BEND4: variants seen among roughly 807,000 people sequenced by gnomAD.
BEND4 encodes BEN domain-containing protein 4.
In BEND4, 27 loss-of-function variants were observed where a neutral mutation model predicts 54.7. That is an observed-to-expected ratio of 0.49 (90% CI 0.36 to 0.68). BEND4 has a LOEUF of 0.68. Among genes scored for constraint, BEND4 ranks in the 30% least tolerant of loss-of-function variants. BEND4 has a pLI of 0.00. For missense variants in BEND4, 702 were observed against 697.2 expected, an observed-to-expected ratio of 1.01 and a Z score of -0.08; for synonymous variants, 327 against 299.5, an observed-to-expected ratio of 1.09 and a Z score of -0.95.
chr4:42,125,197 C>G (rs1034588329), intron 4 of BEND4, among the ~76,000 whole-genome samples: 3 of 152,130 alleles, frequency 2.0e-5, no homozygotes, highest in Non-Finnish European at 4.4e-5. Context: ...CTGGAAAATG[C>G]CTATCTGCAC....
chr4:42,144,038 CAAAAGAT>C, intron 2 of BEND4, 44 bp from the exon 3 acceptor site: 4 of 1,413,274 alleles, frequency 2.8e-6, no homozygotes, highest in Non-Finnish European at 3.9e-6. Flanking sequence ...CAGCCAACGG[CAAAAGAT>C]AAATAAAGTC....
chr4:42,137,321 G>C (rs1577760681), intron 3 of BEND4, among the ~76,000 whole-genome samples: 1 of 152,120 alleles, frequency 6.6e-6, no homozygotes, highest in South Asian at 2.1e-4. Flanking sequence ...ACATGCAAAA[G>C]AATGAAATTA....
rs760937059 is a variant in BEND4, at chr4:42,120,204, G to A, written c.1237C>T (p.Arg413Trp). 8 of 1,613,754 alleles carry A rather than the reference G, an allele frequency of 5.0e-6. No individual in the cohort carries two copies. The highest frequency in any genetic ancestry group is 1.3e-5 in the African/African-American group (1 of 74,890). ...AATCTGATGAGGTATCGAAGGAGCC[G>A]TCTCCCATCTTTCTTTGAAGAATTT... is the stretch of plus-strand genomic sequence containing the variant. ...AVNSSKKDGRRLLRYLIRFVF... is the reference protein window; with the variant it reads ...AVNSSKKDGRWLLRYLIRFVF... The change falls in exon 5 of 6, where the codon CGG (arginine) becomes TGG (tryptophan). Residue 413 changes from arginine (R) to tryptophan (W), a missense_variant. Coordinates refer to ENST00000502486, the MANE Select transcript of BEND4 (RefSeq NM_207406.4).
At chr4:42,119,933 T>C (rs1297544070) in intron 5 of BEND4, 121 bp downstream of exon 5, 3 of 1,274,604 alleles carry the variant, frequency 2.4e-6, no homozygotes, top group Non-Finnish European at 3.4e-6. Context: ...ACATGAAGCC[T>C]AGACGTTCTC....
rs986248614 is a variant in BEND4 at position 42,152,299 on chromosome 4, G to T, written c.-156C>A. Reference sequence around the variant, plus strand: ...GTGGCCGCCGCCGCCGCCGCCTGTCGCTGAGGCTGGCATCGCCGAGCCCCC... The same window carrying T: ...GTGGCCGCCGCCGCCGCCGCCTGTCTCTGAGGCTGGCATCGCCGAGCCCCC... On this transcript the variant is annotated 5_prime_UTR_variant, in exon 2 of 6. Coordinates refer to ENST00000502486, the MANE Select transcript of BEND4 (RefSeq NM_207406.4). 10 of 688,164 alleles carry T rather than the reference G, an allele frequency of 1.5e-5. No homozygotes were observed. In the East Asian group the frequency reaches 3.5e-4, roughly 24 times the overall value. 42.6% of individuals were successfully genotyped at this position (688,164 alleles called of 1,614,324 possible).
In BEND4 at chr4:42,129,326, A is replaced by G. The variant is rs147766596; in HGVS notation, c.1055-3652T>C. ...CCATGCTCATGGATAGGAAGAATCA[A>G]TATCATGAAAATGGCCATACTGCCC... On this transcript the variant is annotated intron_variant, in intron 3 of 5. Coordinates refer to ENST00000502486, the MANE Select transcript of BEND4 (RefSeq NM_207406.4). 8.8e-3 allele frequency among the ~76,000 whole-genome samples: 1,344 copies of G among 152,356 alleles called. 26 individuals carry two copies. Among genetic ancestry groups the G allele is most frequent in the African/African-American group, 0.031 (1,270 of 41,572 alleles).
At position 42,117,667 on chromosome 4, in the gene BEND4, CTTTG is replaced by C. The variant is rs749385709; in HGVS notation, c.1452_1455del (p.Asn484LysfsTer76). 4 of 1,611,116 alleles carry C rather than the reference CTTTG, an allele frequency of 2.5e-6. No individual in the cohort carries two copies. The highest frequency in any genetic ancestry group is 3.4e-6 in the Non-Finnish European group (4 of 1,178,636). On this transcript the variant is annotated frameshift_variant, in exon 6 of 6. Coordinates refer to ENST00000502486, the MANE Select transcript of BEND4 (RefSeq NM_207406.4). LOFTEE classifies it high-confidence loss of function. ...GCGTGACCGACAGCGTCGCTGAACA[CTTTG>C]TTTATCTGCTCTTCCGAGGGCATCC...
intron 3 of BEND4, among the ~76,000 whole-genome samples, chr4:42,141,812 T>C (rs1183636485): frequency 6.6e-6 from 1 of 152,186 alleles, no homozygotes; most frequent in African/African-American, 2.4e-5. Flanking sequence ...TTTTAAAATT[T>C]CTTATGTATG....
rs1477515634 is a variant in BEND4 at position 42,115,869 on chromosome 4, TTTAG to T, written c.*1645_*1648del. On this transcript the variant is annotated 3_prime_UTR_variant, in exon 6 of 6. Transcript: ENST00000502486. ...TATTCCATTGAATGATATGACAAAT[TTTAG>T]TTAATTTTCTCAAAACAGGATTGAA... 1.3e-5 allele frequency: 2 copies of T among 152,172 alleles called. No homozygotes were observed. Among genetic ancestry groups the T allele is most frequent in the African/African-American group, 4.8e-5 (2 of 41,440 alleles). The allele number at this position is 152,172 out of a possible 1,614,324, so 9.4% of individuals were successfully genotyped here.
chr4:42,139,231 G>T (rs1560581805), intron 3 of BEND4, among the ~76,000 whole-genome samples: 1 of 152,050 alleles, frequency 6.6e-6, no homozygotes, highest in Non-Finnish European at 1.5e-5. Flanking sequence ...TTCTAGTGTG[G>T]TGATCTAATA....
intron 4 of BEND4, among the ~76,000 whole-genome samples, chr4:42,124,106 A>T (rs771412652): frequency 7.9e-5 from 12 of 152,204 alleles, no homozygotes; most frequent in Admixed American, 7.9e-4. Context: ...TGTAATCCCA[A>T]CACTTTGGGA....
At position 42,115,767 on chromosome 4, in the gene BEND4, G is replaced by T. The variant is rs543714796; in HGVS notation, c.*1751C>A. 3 of 152,172 alleles carry T rather than the reference G, an allele frequency of 2.0e-5. No homozygotes were observed. Among genetic ancestry groups the T allele is most frequent in the Non-Finnish European group, 4.4e-5 (3 of 68,030 alleles). The allele number at this position is 152,172 out of a possible 1,614,324, so 9.4% of individuals were successfully genotyped here. ...GTCTCATGGCTGCCGTAAGAACATG[G>T]CATTTGCCCATATCATTTCTTTTAC... On this transcript the variant is annotated 3_prime_UTR_variant, in exon 6 of 6. Transcript: ENST00000502486.
In BEND4 at chr4:42,110,879, A is replaced by C. The variant is rs1207991595; in HGVS notation, c.*6639T>G. ...TCAGGGAGAGAAAAGTTATGTATTC[A>C]AAGAAACAGAAAAGTATTTACAATG... On this transcript the variant is annotated 3_prime_UTR_variant, in exon 6 of 6. Transcript: ENST00000502486. The C allele has an allele frequency of 6.6e-6, 1 of 152,238 alleles. No homozygotes were observed. Among genetic ancestry groups the C allele is most frequent in the Admixed American group, 6.5e-5 (1 of 15,284 alleles). 9.4% of individuals were successfully genotyped at this position (152,238 alleles called of 1,614,324 possible). A position where few individuals can be genotyped will look rare whatever the true frequency, so the allele number is the denominator to read the frequency against.
At chr4:42,151,516 CG>C in intron 2 of BEND4, 140 bp downstream of exon 2, 2 of 859,182 alleles carry the variant, frequency 2.3e-6, no homozygotes, top group Non-Finnish European at 3.2e-6. Context: ...TCCGGGTGCG[CG>C]GGGAGGCCCC....
In BEND4 at chr4:42,119,859, GA is replaced by G. The variant is rs2153144601; in HGVS notation, c.1387+194del. 4 of 620,230 alleles carry G rather than the reference GA, an allele frequency of 6.4e-6. No individual in the cohort carries two copies. In the South Asian group the frequency reaches 7.7e-5, roughly 12 times the overall value. 38.4% of individuals were successfully genotyped at this position (620,230 alleles called of 1,614,324 possible). ...GCGATGCTTATGTACCACTAAGAGA[GA>G]ACAACAACGCTAAGGCAAACGGAGG... On this transcript the variant is annotated intron_variant, in intron 5 of 5. Coordinates refer to ENST00000502486, the MANE Select transcript of BEND4 (RefSeq NM_207406.4).
At chr4:42,150,631 G>C (rs570833342) in intron 2 of BEND4, among the ~76,000 whole-genome samples, 26 of 152,372 alleles carry the variant, frequency 1.7e-4, no homozygotes, top group African/African-American at 5.3e-4. Flanking sequence ...CTAATGAGTG[G>C]ATAAACGTGG....
chr4:42,134,211 C>T (rs781015193), intron 3 of BEND4, among the ~76,000 whole-genome samples: 7 of 152,208 alleles, frequency 4.6e-5, no homozygotes, highest in Non-Finnish European at 7.3e-5. Context: ...TCTCTCTTCA[C>T]CCTTCAAGCA....
chr4:42,113,260 A>T lies in BEND4; in HGVS notation c.*4258T>A, dbSNP rs1183607118. The T allele has an allele frequency of 2.0e-5, 3 of 152,232 alleles. No individual in the cohort carries two copies. Among genetic ancestry groups the T allele is most frequent in the South Asian group, 2.1e-4 (1 of 4,834 alleles). The allele number at this position is 152,232 out of a possible 1,614,324, so 9.4% of individuals were successfully genotyped here. On this transcript the variant is annotated 3_prime_UTR_variant, in exon 6 of 6. Transcript: ENST00000502486. Reference sequence around the variant, plus strand: ...AAATGACACAGCACTGAATGAGGAAAGTTATACATTTAAATCTTTCCTAAA... The same window carrying T: ...AAATGACACAGCACTGAATGAGGAATGTTATACATTTAAATCTTTCCTAAA...
Position 42,143,976 on chromosome 4 carries a change from T to C in BEND4, c.506A>G (p.Asp169Gly). 6.4e-7 allele frequency: 1 copy of C among 1,569,360 alleles called. No individual in the cohort carries two copies. Residue 169 changes from aspartate (D) to glycine (G), a missense_variant, in exon 3 of 6, where the codon GAT (aspartate) becomes GGT (glycine). By Grantham distance (94) the Asp-to-Gly change is moderately conservative. Coordinates refer to ENST00000502486, the MANE Select transcript of BEND4 (RefSeq NM_207406.4). ...ELSAESRMIL[D>G]AFAQQCSRVL... Reference sequence around the variant, plus strand: ...TCGACTGCACTGCTGGGCAAAGGCATCCAAGATCATTCGACTCTCTGAAAC... The same window carrying C: ...TCGACTGCACTGCTGGGCAAAGGCACCCAAGATCATTCGACTCTCTGAAAC...
Sources: allele counts gnomAD v4.1 joint callset (sites outside exome capture counted in the v4.1 genomes callset), GRCh38; gene constraint gnomAD v4.1.1; transcripts MANE v1.5; gene names NCBI Gene and HGNC (gene_info 2026-07-23, HGNC 2026-07-21).